SORBS2: variants seen among roughly 807,000 people sequenced by gnomAD.
The protein encoded by SORBS2 is sorbin and SH3 domain containing 2.
SORBS2 carries 46 observed loss-of-function variants against 97.7 expected under a neutral mutation model. That is an observed-to-expected ratio of 0.47 (90% confidence interval 0.37 to 0.60). The LOEUF (loss-of-function observed/expected upper bound fraction) is 0.60, where lower values mean the gene tolerates loss of function less well. SORBS2 is among the 20% of genes least tolerant of loss of function. The pLI is 0.00. For missense variants in SORBS2, 1,316 were observed against 1,282.3 expected (o/e 1.03, Z -0.40); for synonymous variants, 476 against 473.4 (o/e 1.01, Z -0.07).
At chr4:185,917,477 C>T (rs1332968043) in intron 1 of SORBS2, among the ~76,000 whole-genome samples, 1 of 152,188 alleles carries the variant, frequency 6.6e-6, no homozygotes, top group African/African-American at 2.4e-5. Flanking sequence ...ATCCACCTGC[C>T]TCGGCCTCCC....
intron 1 of SORBS2, among the ~76,000 whole-genome samples, chr4:185,880,963 G>T (rs1170944134): frequency 6.6e-6 from 1 of 152,114 alleles, no homozygotes; most frequent in Non-Finnish European, 1.5e-5. Context: ...ATGAAGAACA[G>T]AAGAGGGGAT....
At chr4:185,815,695 C>T (rs938919326) in intron 1 of SORBS2, among the ~76,000 whole-genome samples, 4 of 152,092 alleles carry the variant, frequency 2.6e-5, no homozygotes, top group Non-Finnish European at 5.9e-5. Context: ...ATCTATCTAG[C>T]TTCTATTTTA....
chr4:185,792,709 A>G (rs2099086400), intron 1 of SORBS2, among the ~76,000 whole-genome samples: 1 of 152,132 alleles, frequency 6.6e-6, no homozygotes, highest in Admixed American at 6.5e-5. Flanking sequence ...AGGATACGGA[A>G]ATTTGGTGTT....
intron 2 of SORBS2, among the ~76,000 whole-genome samples, chr4:185,692,291 G>A (rs145094494): frequency 0.017 from 2,649 of 152,276 alleles, 36 homozygotes; most frequent in African/African-American, 0.039. Context: ...GCTTCCAGGC[G>A]CATCAGTACT....
chr4:185,670,342 A>G (rs1029499278), intron 4 of SORBS2, among the ~76,000 whole-genome samples: 14 of 152,186 alleles, frequency 9.2e-5, no homozygotes, highest in Non-Finnish European at 1.9e-4. Context: ...ACATTCTAGG[A>G]AAAAGCTCAT....
chr4:185,842,116 T>C (rs927824480), intron 1 of SORBS2, among the ~76,000 whole-genome samples: 3 of 152,194 alleles, frequency 2.0e-5, no homozygotes, highest in Admixed American at 6.5e-5. Flanking sequence ...TTAAATAATG[T>C]CATTTCAGAT....
intron 1 of SORBS2, among the ~76,000 whole-genome samples, chr4:185,861,895 C>A (rs1181951191): frequency 6.6e-6 from 1 of 152,128 alleles, no homozygotes; most frequent in South Asian, 2.1e-4. Flanking sequence ...CTGCGCCCAG[C>A]CCTGACTTCT....
intron 1 of SORBS2, among the ~76,000 whole-genome samples, chr4:185,945,640 C>G (rs1319520976): frequency 1.3e-5 from 2 of 152,238 alleles, no homozygotes; most frequent in Middle Eastern, 3.4e-3. Context: ...TTGTTTTTGT[C>G]ATTATTCACT....
intron 1 of SORBS2, among the ~76,000 whole-genome samples, chr4:185,853,675 T>C (rs1356413629): frequency 6.6e-6 from 1 of 152,212 alleles, no homozygotes; most frequent in Non-Finnish European, 1.5e-5. Flanking sequence ...CTCCCAGATA[T>C]GTGTATATGG....
chr4:185,851,682 G>A (rs1173499824), intron 1 of SORBS2, among the ~76,000 whole-genome samples: 2 of 152,084 alleles, frequency 1.3e-5, no homozygotes, highest in African/African-American at 4.8e-5. Flanking sequence ...ATCTGGGTGG[G>A]CACCATCTAA....
At chr4:185,904,895 G>T (rs377708315) in intron 1 of SORBS2, among the ~76,000 whole-genome samples, 3 of 152,066 alleles carry the variant, frequency 2.0e-5, no homozygotes, top group South Asian at 2.1e-4. Flanking sequence ...ACCTGAGGTC[G>T]GGGGTTCGAG....
chr4:185,614,786 G>GAACA (rs769124831), intron 11 of SORBS2, 45 bp downstream of exon 23: 1 of 1,606,694 alleles, frequency 6.2e-7, no homozygotes, highest in African/African-American at 1.3e-5. Context: ...ACCCACTGAA[G>GAACA]AACAAACAAA....
chr4:185,611,854 C>T, exon 12 of SORBS2: 4 of 1,614,058 alleles, frequency 2.5e-6, no homozygotes, highest in Non-Finnish European at 3.4e-6. Context: ...TAGTCCTCAG[C>T]ACCTTTTGTG....
At chr4:185,936,358 A>G (rs1203289394) in intron 1 of SORBS2, among the ~76,000 whole-genome samples, 1 of 152,214 alleles carries the variant, frequency 6.6e-6, no homozygotes, top group African/African-American at 2.4e-5. Context: ...AGTGGGCAGT[A>G]TCCTCAGTTC....
At chr4:185,931,923 T>C (rs1342148270) in intron 1 of SORBS2, among the ~76,000 whole-genome samples, 2 of 151,764 alleles carry the variant, frequency 1.3e-5, no homozygotes, top group African/African-American at 4.8e-5. Context: ...TAAAAGTGTG[T>C]GGAAAAGAAT....
rs527508424 is a variant in SORBS2 at position 185,868,209 on chromosome 4, T to C, written c.-338+87987A>G. Among the ~76,000 whole-genome samples, 4 of 131,224 alleles carry C rather than the reference T, an allele frequency of 3.0e-5. No individual in the cohort carries two copies. The East Asian group carries it at 9.6e-4, about 32-fold the overall frequency. 86.1% of individuals were successfully genotyped at this position (131,224 alleles called of 152,430 possible). A position where few individuals can be genotyped will look rare whatever the true frequency, so the allele number is the denominator to read the frequency against. On this transcript the variant is annotated intron_variant, in intron 1 of 20. Transcript: ENST00000284776. The stretch of plus-strand genomic sequence containing the variant: ...TCTCACTCTGTCACCCAGGCTGGAG[T>C]GCAGTGGCACGATCTTGGCTCACTG...
Position 185,623,818 on chromosome 4 carries a change from G to C in SORBS2, c.1311C>G (p.Pro437=), listed in dbSNP as rs148423116. 4.3e-5 allele frequency: 69 copies of C among 1,614,012 alleles called. No individual in the cohort carries two copies. The highest frequency in any genetic ancestry group is 9.3e-6 in the Non-Finnish European group (11 of 1,180,030). Residue 437 remains proline, a synonymous_variant, in exon 7 of 15, where the codon CCC becomes CCG. Transcript: ENST00000418609. This position sits in a 1 kb window ranked among gnomAD's most constrained non-coding sequence, Gnocchi z 6.4. ...CATTTTGCGGTGGTTCTAGGGTTAC[G>C]GGAGACAGCATGTCATCCCCTAAAT...
intron 4 of SORBS2, 122 bp downstream of exon 15, chr4:185,637,957 T>C: frequency 1.4e-6 from 1 of 696,772 alleles, no homozygotes; most frequent in East Asian, 2.6e-5. Flanking sequence ...ACCAAGTGTG[T>C]GTATACATTA....
At chr4:185,765,640 G>A (rs376102384) in intron 2 of SORBS2, among the ~76,000 whole-genome samples, 1 of 152,140 alleles carries the variant, frequency 6.6e-6, no homozygotes, top group African/African-American at 2.4e-5. Context: ...AAAAAAACAC[G>A]TGTGTGCCAA....
Sources: gnomAD v4.1 joint callset for allele counts (sites outside exome capture counted in the v4.1 genomes callset) on GRCh38, gnomAD v4.1.1 for gene constraint, Gnocchi (gnomAD v3.1) non-coding constraint, MANE v1.5 for transcripts, NCBI Gene and HGNC (gene_info 2026-07-23, HGNC 2026-07-21) for gene names.